The following UPRT variants were observed in gnomAD, a reference collection of about 807,000 sequenced individuals.
UPRT encodes the protein uracil phosphoribosyltransferase homolog.
UPRT carries 5 observed loss-of-function variants against 22.6 expected under a neutral mutation model. The ratio of observed to expected loss-of-function variants is 0.22; its 90% CI spans 0.12 to 0.47. The LOEUF (loss-of-function observed/expected upper bound fraction) is 0.47. Ranked by LOEUF, UPRT falls within the 20% of genes least tolerant of loss-of-function variation. UPRT has a pLI of 0.99. For missense variants in UPRT, 181 were observed against 239.9 expected (o/e 0.75, Z 1.62); for synonymous variants, 77 against 87.7 (o/e 0.88, Z 0.68).
At chrX:75,287,056 T>C (rs187496258) in intron 1 of UPRT, among the ~76,000 whole-genome samples, 59 of 111,491 alleles carry the variant, frequency 5.3e-4, no homozygotes, top group African/African-American at 1.8e-3. Flanking sequence ...TTATGGACCT[T>C]TTTTTAAGAA....
chrX:75,245,266 T>TAAAAAAAAAAAAAAAAGAA (rs2082500859), intron 4 of UPRT, among the ~76,000 whole-genome samples: 1 of 65,485 alleles, frequency 1.5e-5, no homozygotes. Context: ...TACTAAAAAG[T>TAAAAAAAAAAAAAAAAGAA]AAAAAAAAAA....
intron 4 of UPRT, among the ~76,000 whole-genome samples, chrX:75,264,537 G>A (rs1602481106): frequency 2.7e-5 from 3 of 111,361 alleles, no homozygotes; most frequent in African/African-American, 9.8e-5. Context: ...CAGAGACTAG[G>A]ATTGCAACCC....
At chrX:75,277,966 G>A (rs1361121902) in intron 1 of UPRT, among the ~76,000 whole-genome samples, 4 of 111,096 alleles carry the variant, frequency 3.6e-5, no homozygotes. Context: ...CTGGTTTAAG[G>A]TGCCTATGGT....
At chrX:75,221,900 C>T (rs1351565953) in intron 4 of UPRT, among the ~76,000 whole-genome samples, 3 of 111,617 alleles carry the variant, frequency 2.7e-5, no homozygotes, top group Non-Finnish European at 5.6e-5. Context: ...AGTTTCTGGA[C>T]ACTGAGTGGT....
chrX:75,171,025 T>C (rs897496978), intron 4 of UPRT, among the ~76,000 whole-genome samples: 2 of 111,720 alleles, frequency 1.8e-5, no homozygotes, highest in Admixed American at 9.5e-5. Flanking sequence ...GTCTTGACTT[T>C]AGAAAACCTG....
At chrX:75,276,505 C>T (rs1189237910) in intron 1 of UPRT, among the ~76,000 whole-genome samples, 2 of 111,309 alleles carry the variant, frequency 1.8e-5, no homozygotes, top group Non-Finnish European at 3.8e-5. Flanking sequence ...CATAGGTTTG[C>T]TGTAGTTGTG....
intron 4 of UPRT, among the ~76,000 whole-genome samples, chrX:75,252,388 A>T (rs1046162153): frequency 2.7e-5 from 3 of 112,350 alleles, no homozygotes; most frequent in Non-Finnish European, 3.8e-5. Flanking sequence ...GAAGGACATG[A>T]ACAGACACTT....
At chrX:75,265,317 C>G (rs985137952) in intron 4 of UPRT, among the ~76,000 whole-genome samples, 4 of 111,855 alleles carry the variant, frequency 3.6e-5, no homozygotes, top group Non-Finnish European at 5.6e-5. Context: ...TGAGGTACAC[C>G]AATCAGACAT....
intron 4 of UPRT, among the ~76,000 whole-genome samples, chrX:75,177,485 C>G (rs777279917): frequency 9.0e-6 from 1 of 110,612 alleles, no homozygotes; most frequent in Non-Finnish European, 1.9e-5. Flanking sequence ...GACGCATTCT[C>G]AAAAACCTGT....
At chrX:75,301,007 C>A (rs777773055) in intron 6 of UPRT, 42 bp downstream of exon 6, 1 of 979,757 alleles carries the variant, frequency 1.0e-6, no homozygotes, top group Non-Finnish European at 1.4e-6. Context: ...CCATATAGTC[C>A]TGAGGTGGGT....
intron 4 of UPRT, among the ~76,000 whole-genome samples, chrX:75,204,383 A>G (rs182315069): frequency 2.3e-3 from 257 of 112,608 alleles, no homozygotes; most frequent in Non-Finnish European, 4.0e-3. Context: ...ACCAGAGTGT[A>G]TGTTCTTAAC....
At chrX:75,180,439 C>T (rs776278388) in intron 4 of UPRT, among the ~76,000 whole-genome samples, 4 of 111,948 alleles carry the variant, frequency 3.6e-5, no homozygotes, top group Admixed American at 9.5e-5. Flanking sequence ...TGAGGGTAGA[C>T]GATCCCTCTT....
chrX:75,285,575 GGT>G (rs1474382504), intron 1 of UPRT: 1 of 111,856 alleles, frequency 8.9e-6, no homozygotes, highest in East Asian at 2.8e-4. Flanking sequence ...CTTCAGTGGG[GGT>G]GTGTGTTTGG....
rs1441447714 is a variant in UPRT, at chrX:75,203,500, ACACACACACACACACT to A, written c.-447+35637_-447+35652del. 9.8e-3 allele frequency among the ~76,000 whole-genome samples: 1,020 copies of A among 104,548 alleles called. 10 individuals are homozygous for A. The highest frequency in any genetic ancestry group is 0.036 in the African/African-American group (966 of 26,587). 90.8% of individuals were successfully genotyped at this position (104,548 alleles called of 115,157 possible). On this transcript the variant is annotated intron_variant, in intron 4 of 13. Coordinates refer to the UPRT transcript ENST00000652605. ...GTTAAAGACACACACACACACACAC[ACACACACACACACACT>A]CACACACACACACACACACACACAC...
chrX:75,259,696 C>A (rs1330305536), intron 4 of UPRT, among the ~76,000 whole-genome samples: 1 of 110,887 alleles, frequency 9.0e-6, no homozygotes, highest in Non-Finnish European at 1.9e-5. Flanking sequence ...AGGATATTAT[C>A]CAGGAGAACT....
chrX:75,165,411 G>C (rs2082210358), intron 3 of UPRT, among the ~76,000 whole-genome samples: 1 of 111,757 alleles, frequency 8.9e-6, no homozygotes, highest in Non-Finnish European at 1.9e-5. Context: ...ATCTGCCTTT[G>C]GGGTCTATGT....
At chrX:75,222,795 T>C (rs2082413957) in intron 4 of UPRT, among the ~76,000 whole-genome samples, 1 of 110,698 alleles carries the variant, frequency 9.0e-6, no homozygotes, top group African/African-American at 3.3e-5. Flanking sequence ...AGGCCTGGAA[T>C]CAGTGACTGC....
rs781105468 is a variant in UPRT, at chrX:75,217,147, T to C, written c.-447+49268T>C. On this transcript the variant is annotated intron_variant, in intron 4 of 13. Coordinates refer to the UPRT transcript ENST00000652605. ...AGTCAGTGGAGCATTTTAGGGACAT[T>C]GTTGTAGTCATGAGTGGAGTCTTGA... is the stretch of plus-strand genomic sequence containing the variant. 1.2e-4 allele frequency among the ~76,000 whole-genome samples: 13 copies of C among 111,591 alleles called. No individual in the cohort carries two copies. The East Asian group carries it at 3.7e-3, about 32-fold the overall frequency.
intron 4 of UPRT, among the ~76,000 whole-genome samples, chrX:75,245,279 A>G (rs1243560223): frequency 9.2e-6 from 1 of 108,947 alleles, no homozygotes; most frequent in Non-Finnish European, 1.9e-5. Context: ...AAAAAAAAAA[A>G]AAAGAAAAGG....
Sources: gnomAD v4.1 joint callset for allele counts (sites outside exome capture counted in the v4.1 genomes callset) on GRCh38, gnomAD v4.1.1 for gene constraint, MANE v1.5 for transcripts, NCBI Gene and HGNC (gene_info 2026-07-23, HGNC 2026-07-21) for gene names.